ACTL8: variants seen among roughly 807,000 people sequenced by gnomAD.
ACTL8 encodes actin-like protein 8.
ACTL8 carries 3 observed loss-of-function variants against 9.3 expected under a neutral mutation model. That is an observed-to-expected ratio of 0.32 (90% CI 0.15 to 0.83). ACTL8 has a LOEUF of 0.83. ACTL8 is among the 40% of genes least tolerant of loss of function. ACTL8 has a pLI of 0.57. For synonymous variants in ACTL8, 224 were observed against 205.9 expected, an observed-to-expected ratio of 1.09 and a Z score of -0.75; for missense variants, 381 against 492.2, an observed-to-expected ratio of 0.77 and a Z score of 2.14.
Position 17,823,491 on chromosome 1 carries a change from C to G in ACTL8, c.348+135C>G, listed in dbSNP as rs1237169607. ...GGTGTGGTGGCTTATGCCTGTAATC[C>G]CAACACTTTGGGACTCCCAGGCAGG... On this transcript the variant is annotated intron_variant, in intron 2 of 2. Coordinates refer to ENST00000375406, the MANE Select transcript of ACTL8 (RefSeq NM_030812.3). The surrounding 1 kb of genome is among the most constrained non-coding windows in gnomAD (Gnocchi z 5.3). The G allele has an allele frequency of 1.1e-6, 1 of 871,442 alleles. No homozygotes were observed. Among genetic ancestry groups the G allele is most frequent in the Non-Finnish European group, 1.7e-6 (1 of 583,950 alleles). The allele number at this position is 871,442 out of a possible 1,614,324, so 54.0% of individuals were successfully genotyped here.
At chr1:17,773,170 C>G (rs1285757593) in intron 1 of ACTL8, among the ~76,000 whole-genome samples, 1 of 152,158 alleles carries the variant, frequency 6.6e-6, no homozygotes, top group Non-Finnish European at 1.5e-5. Flanking sequence ...GAGGCTTGTT[C>G]TATGTGTTTA....
chr1:17,810,591 T>C (rs1010169873), intron 1 of ACTL8, among the ~76,000 whole-genome samples: 7 of 152,186 alleles, frequency 4.6e-5, no homozygotes, highest in African/African-American at 1.4e-4. Flanking sequence ...TTCTGATAAA[T>C]GCATGCAGGC....
At chr1:17,798,046 A>G (rs1215766706) in intron 1 of ACTL8, among the ~76,000 whole-genome samples, 1 of 150,640 alleles carries the variant, frequency 6.6e-6, no homozygotes, top group East Asian at 2.0e-4. Context: ...GTAGATTGAC[A>G]ATCTGTGTTA....
At chr1:17,812,467 T>A (rs1271167880) in intron 1 of ACTL8, among the ~76,000 whole-genome samples, 2 of 148,520 alleles carry the variant, frequency 1.3e-5, no homozygotes, top group African/African-American at 5.0e-5. Flanking sequence ...TCTCACTCTG[T>A]CATCCAGGGT....
chr1:17,815,959 A>T (rs2066423979), intron 1 of ACTL8, among the ~76,000 whole-genome samples: 3 of 151,954 alleles, frequency 2.0e-5, no homozygotes, highest in African/African-American at 7.2e-5. Flanking sequence ...CTTTGTTTTT[A>T]TTTTTTATTC....
chr1:17,784,105 GACTC>G (rs1264518495), intron 1 of ACTL8, among the ~76,000 whole-genome samples: 2 of 152,214 alleles, frequency 1.3e-5, no homozygotes, highest in Non-Finnish European at 2.9e-5. Flanking sequence ...GGGTTTAATT[GACTC>G]ACAGTTCTGG....
rs116556580 is a variant in ACTL8 at position 17,783,848 on chromosome 1, C to T, written c.-25+28344C>T. On this transcript the variant is annotated intron_variant, in intron 1 of 2. Transcript: ENST00000375406. ...TGGTGTAAAGGGGATATCTTGGGCC[C>T]TTGGCTGAAAGCCTTTGAATTGTTA... Among the ~76,000 whole-genome samples, 833 of 152,330 alleles carry T rather than the reference C, an allele frequency of 5.5e-3. 7 individuals are homozygous for T. The highest frequency in any genetic ancestry group is 0.019 in the African/African-American group (772 of 41,566).
chr1:17,811,460 T>C (rs567102707), intron 1 of ACTL8, among the ~76,000 whole-genome samples: 2 of 152,334 alleles, frequency 1.3e-5, no homozygotes, highest in South Asian at 4.1e-4. Flanking sequence ...TTTGGTGAAG[T>C]CCAGGATATT....
At chr1:17,762,190 G>C (rs1374862512) in intron 1 of ACTL8, among the ~76,000 whole-genome samples, 1 of 152,156 alleles carries the variant, frequency 6.6e-6, no homozygotes, top group Admixed American at 6.5e-5. Flanking sequence ...CCGGGACCCA[G>C]GGTGGAGACG....
At chr1:17,818,150 G>T (rs1337047126) in intron 1 of ACTL8, among the ~76,000 whole-genome samples, 1 of 152,132 alleles carries the variant, frequency 6.6e-6, no homozygotes, top group Non-Finnish European at 1.5e-5. Context: ...TTCCCCCATG[G>T]TCTTTTCCAT....
In ACTL8 at chr1:17,783,859, G is replaced by A. The variant is rs186064755; in HGVS notation, c.-25+28355G>A. 6.7e-3 allele frequency among the ~76,000 whole-genome samples: 1,019 copies of A among 152,350 alleles called. 5 individuals are homozygous for A. Among genetic ancestry groups the A allele is most frequent in the Non-Finnish European group, 0.011 (738 of 68,034 alleles). The stretch of plus-strand genomic sequence containing the variant: ...GGATATCTTGGGCCCTTGGCTGAAA[G>A]CCTTTGAATTGTTAGTAGCTTGGAG... On this transcript the variant is annotated intron_variant, in intron 1 of 2. Coordinates refer to ENST00000375406, the MANE Select transcript of ACTL8 (RefSeq NM_030812.3).
intron 1 of ACTL8, among the ~76,000 whole-genome samples, chr1:17,790,500 C>T (rs1333907083): frequency 6.6e-6 from 1 of 152,352 alleles, no homozygotes; most frequent in East Asian, 1.9e-4. Context: ...TAACTCCTCT[C>T]TGCAGCCTGT....
intron 1 of ACTL8, among the ~76,000 whole-genome samples, chr1:17,799,535 GAT>G (rs1435627387): frequency 6.6e-6 from 1 of 150,750 alleles, no homozygotes; most frequent in African/African-American, 2.4e-5. Flanking sequence ...CTCCCATTTT[GAT>G]ATGTTTGTCT....
At chr1:17,803,929 T>C (rs1392142417) in intron 1 of ACTL8, among the ~76,000 whole-genome samples, 1 of 152,156 alleles carries the variant, frequency 6.6e-6, no homozygotes, top group Non-Finnish European at 1.5e-5. Context: ...TACCTGTAAG[T>C]TGGAAAATTG....
At chr1:17,757,805 C>A (rs186473653) in intron 1 of ACTL8, among the ~76,000 whole-genome samples, 1 of 152,242 alleles carries the variant, frequency 6.6e-6, no homozygotes, top group East Asian at 1.9e-4. Flanking sequence ...TGCATTGATA[C>A]GGGCACACTC....
intron 1 of ACTL8, among the ~76,000 whole-genome samples, chr1:17,777,365 C>T (rs576105620): frequency 1.3e-5 from 2 of 152,260 alleles, no homozygotes; most frequent in South Asian, 2.1e-4. Context: ...GGTGGCACAG[C>T]GCCCCTGAAA....
At chr1:17,800,181 T>A (rs965482839) in intron 1 of ACTL8, among the ~76,000 whole-genome samples, 1 of 152,252 alleles carries the variant, frequency 6.6e-6, no homozygotes, top group African/African-American at 2.4e-5. Context: ...GGAGTTAACA[T>A]GTGACTAATG....
At chr1:17,815,006 G>T (rs1305846523) in intron 1 of ACTL8, among the ~76,000 whole-genome samples, 1 of 151,618 alleles carries the variant, frequency 6.6e-6, no homozygotes, top group Non-Finnish European at 1.5e-5. Flanking sequence ...ATAACATGCT[G>T]TACCCGTTTA....
chr1:17,776,223 C>T (rs1183021875), intron 1 of ACTL8, among the ~76,000 whole-genome samples: 3 of 152,170 alleles, frequency 2.0e-5, no homozygotes, highest in Non-Finnish European at 4.4e-5. Flanking sequence ...ATGGGACTTG[C>T]CCAAGGAGCC....
Sources: allele counts gnomAD v4.1 joint callset (sites outside exome capture counted in the v4.1 genomes callset), GRCh38; gene constraint gnomAD v4.1.1; non-coding constraint Gnocchi (gnomAD v3.1); transcripts MANE v1.5; gene names NCBI Gene and HGNC (gene_info 2026-07-23, HGNC 2026-07-21).